The following PTPRN2 variants were observed in gnomAD, a reference collection of about 807,000 sequenced individuals.
PTPRN2 encodes protein tyrosine phosphatase receptor type N2.
PTPRN2 carries 74 observed loss-of-function variants against 118.8 expected under a neutral mutation model. The ratio of observed to expected loss-of-function variants is 0.62; its 90% CI spans 0.52 to 0.76. The LOEUF is 0.76. Ranked by LOEUF, PTPRN2 falls within the 30% of genes least tolerant of loss-of-function variation. The pLI, the probability that PTPRN2 is intolerant of heterozygous loss-of-function variation, is 0.00. For missense variants in PTPRN2, 1,481 were observed against 1,394.4 expected, an observed-to-expected ratio of 1.06 and a Z score of -0.99; for synonymous variants, 641 against 608.0, an observed-to-expected ratio of 1.05 and a Z score of -0.80.
At chr7:158,253,387 T>C (rs993029978) in intron 3 of PTPRN2, among the ~76,000 whole-genome samples, 1 of 152,242 alleles carries the variant, frequency 6.6e-6, no homozygotes, top group African/African-American at 2.4e-5. Context: ...AACGTGCTCC[T>C]TTCACAGAAG....
At chr7:158,510,486 G>A (rs536374712) in intron 1 of PTPRN2, among the ~76,000 whole-genome samples, 68 of 151,232 alleles carry the variant, frequency 4.5e-4, no homozygotes, top group Non-Finnish European at 7.4e-4. Context: ...CTCACCCAGA[G>A]TCCAGGCTAA....
chr7:157,639,822 T>A (rs1804563754), intron 14 of PTPRN2, among the ~76,000 whole-genome samples: 1 of 152,186 alleles, frequency 6.6e-6, no homozygotes, highest in African/African-American at 2.4e-5. Flanking sequence ...ACCACAGGAA[T>A]CTCGTCTGTC....
At position 157,964,190 on chromosome 7, in the gene PTPRN2, G is replaced by A. The variant is rs1367566365; in HGVS notation, c.1724-65453C>T. 1.3e-5 allele frequency among the ~76,000 whole-genome samples: 2 copies of A among 152,112 alleles called. No individual in the cohort carries two copies. Among genetic ancestry groups the A allele is most frequent in the African/African-American group, 4.8e-5 (2 of 41,432 alleles). On this transcript the variant is annotated intron_variant, in intron 11 of 22. Coordinates refer to ENST00000389418, the MANE Select transcript of PTPRN2 (RefSeq NM_002847.5). This position sits in a 1 kb window ranked among gnomAD's most constrained non-coding sequence, Gnocchi z 9.0. ...GCTGGGTGGGGTAGTGTTGAGTTCTGGTCCTGGTCCCACCGACCTGGGCTG... is the reference window on the plus strand; with the variant it reads ...GCTGGGTGGGGTAGTGTTGAGTTCTAGTCCTGGTCCCACCGACCTGGGCTG...
intron 11 of PTPRN2, among the ~76,000 whole-genome samples, chr7:158,055,517 T>C (rs1809718938): frequency 4.6e-5 from 7 of 152,228 alleles, no homozygotes; most frequent in Admixed American, 3.3e-4. Flanking sequence ...ACCGTCTCCC[T>C]GTGATGCTGT....
intron 5 of PTPRN2, 125 bp from the exon 6 acceptor site, chr7:158,167,416 CG>C: frequency 7.9e-7 from 1 of 1,272,162 alleles, no homozygotes; most frequent in African/African-American, 1.5e-5. Flanking sequence ...AGATGCCCTT[CG>C]GTCTCAGGTT....
At chr7:157,926,713 G>A (rs558172451) in intron 11 of PTPRN2, among the ~76,000 whole-genome samples, 1 of 152,272 alleles carries the variant, frequency 6.6e-6, no homozygotes, top group South Asian at 2.1e-4. Context: ...CCTGTAAAAT[G>A]CTGCTCCTTT....
intron 3 of PTPRN2, among the ~76,000 whole-genome samples, chr7:158,302,985 G>T (rs1304432087): frequency 6.6e-6 from 1 of 152,120 alleles, no homozygotes; most frequent in Non-Finnish European, 1.5e-5. Flanking sequence ...CGTGAAACAA[G>T]AATGTAAAAA....
intron 2 of PTPRN2, among the ~76,000 whole-genome samples, chr7:158,324,492 G>A (rs560834278): frequency 5.6e-5 from 2 of 35,850 alleles, no homozygotes; most frequent in East Asian, 7.8e-4. Context: ...ACTCACTGGG[G>A]ACCAAAAAGG....
intron 12 of PTPRN2, among the ~76,000 whole-genome samples, chr7:157,880,413 C>T (rs1440243896): frequency 6.6e-6 from 1 of 152,214 alleles, no homozygotes; most frequent in South Asian, 2.1e-4. Flanking sequence ...AGTTATATTG[C>T]TTCAACATCA....
rs77792529 is a variant in PTPRN2, at chr7:158,093,178, C to A, written c.1644-11801G>T. 2.9e-3 allele frequency among the ~76,000 whole-genome samples: 403 copies of A among 140,202 alleles called. 34 individuals are homozygous for A. In the East Asian group the frequency reaches 0.04, roughly 14 times the overall value. The allele number at this position is 140,202 out of a possible 152,430, so 92.0% of individuals were successfully genotyped here. ...CCGACCCCCACACCATAGACCCACA[C>A]GCAGGCCTGCACCTCTGTCCTTTCC... On this transcript the variant is annotated intron_variant, in intron 10 of 22. Transcript: ENST00000389418. The surrounding 1 kb of genome is among the most constrained non-coding windows in gnomAD (Gnocchi z 4.4).
At chr7:157,720,580 G>A (rs1429408270) in intron 12 of PTPRN2, among the ~76,000 whole-genome samples, 1 of 152,228 alleles carries the variant, frequency 6.6e-6, no homozygotes, top group Non-Finnish European at 1.5e-5. Flanking sequence ...CCGATGCATG[G>A]GTGTGCACGC....
At chr7:157,921,005 T>C (rs1798664918) in intron 11 of PTPRN2, among the ~76,000 whole-genome samples, 1 of 152,214 alleles carries the variant, frequency 6.6e-6, no homozygotes, top group African/African-American at 2.4e-5. Flanking sequence ...TGAAAACTTA[T>C]GTCCATACAA....
At chr7:157,658,314 T>C (rs778775557) in intron 13 of PTPRN2, among the ~76,000 whole-genome samples, 12 of 152,086 alleles carry the variant, frequency 7.9e-5, no homozygotes, top group Non-Finnish European at 1.6e-4. Context: ...CAAGAGCCCA[T>C]GCAAGAGAAG....
rs552439136 is a variant in PTPRN2, at chr7:158,152,286, C to T, written c.911-13771G>A. ...GGGCTGGAGCACTGCTCTTTCATAC[C>T]GCACTGCCAGAGAAAGCCTCATTGA... is the stretch of plus-strand genomic sequence containing the variant. On this transcript the variant is annotated intron_variant, in intron 6 of 22. Transcript: ENST00000389418. Among the ~76,000 whole-genome samples, 8 of 151,874 alleles carry T rather than the reference C, an allele frequency of 5.3e-5. No individual in the cohort carries two copies. In the East Asian group the frequency reaches 7.7e-4, roughly 15 times the overall value.
rs1368908954 is a variant in PTPRN2, at chr7:157,591,017, G to C, written c.2496+4221C>G. Among the ~76,000 whole-genome samples, 1 of 152,142 alleles carries C rather than the reference G, an allele frequency of 6.6e-6. No homozygotes were observed. Among genetic ancestry groups the C allele is most frequent in the African/African-American group, 2.4e-5 (1 of 41,426 alleles). On this transcript the variant is annotated intron_variant, in intron 17 of 22. Transcript: ENST00000389418. The surrounding 1 kb of genome is among the most constrained non-coding windows in gnomAD (Gnocchi z 4.4). ...ATGAATGTGGTCTTATTTGGAAATA[G>C]GGTCTTTGCATATGTGGTCAAGTTA...
chr7:157,972,568 GGGCTTC>G (rs1802415596), intron 11 of PTPRN2, among the ~76,000 whole-genome samples: 2 of 43,462 alleles, frequency 4.6e-5, no homozygotes, highest in Admixed American at 2.2e-4. Flanking sequence ...CACGAGAGCA[GGGCTTC>G]AGAGACCACG....
At chr7:157,649,900 C>A (rs62476824) in intron 14 of PTPRN2, among the ~76,000 whole-genome samples, 1 of 67,052 alleles carries the variant, frequency 1.5e-5, no homozygotes, top group Admixed American at 1.8e-4. Flanking sequence ...TCGGACCCAT[C>A]CAGCGTGCAC....
chr7:158,291,641 G>A (rs1044231877), intron 3 of PTPRN2, among the ~76,000 whole-genome samples: 5 of 152,222 alleles, frequency 3.3e-5, no homozygotes, highest in Non-Finnish European at 7.3e-5. Flanking sequence ...GTCTTTGGTT[G>A]TCTGACTTAT....
At chr7:157,846,097 C>T (rs979733099) in intron 12 of PTPRN2, among the ~76,000 whole-genome samples, 4 of 152,054 alleles carry the variant, frequency 2.6e-5, no homozygotes, top group East Asian at 1.9e-4. Flanking sequence ...GGGTGAGCCA[C>T]CCGCCAGGAA....
Sources: gnomAD v4.1 joint callset for allele counts (sites outside exome capture counted in the v4.1 genomes callset) on GRCh38, gnomAD v4.1.1 for gene constraint, Gnocchi (gnomAD v3.1) non-coding constraint, MANE v1.5 for transcripts, NCBI Gene and HGNC (gene_info 2026-07-23, HGNC 2026-07-21) for gene names.